HDLBP: variants seen among roughly 807,000 people sequenced by gnomAD.
HDLBP encodes high density lipoprotein binding protein.
A neutral mutation model predicts 137.3 loss-of-function variants in HDLBP; 30 were observed. That is an observed-to-expected ratio of 0.22 (90% CI 0.16 to 0.30). The LOEUF is 0.30. Among genes scored for constraint, HDLBP ranks in the 10% least tolerant of loss-of-function variants. The probability of loss-of-function intolerance (pLI) is 1.00; values close to 1 mark genes in which losing one functional copy is unlikely to be tolerated. For missense variants in HDLBP, 1,119 were observed against 1,667.3 expected, an observed-to-expected ratio of 0.67 and a Z score of 5.73; for synonymous variants, 606 against 596.0, an observed-to-expected ratio of 1.02 and a Z score of -0.24.
chr2:241,295,632 C>A (rs1456900121), intron 1 of HDLBP, among the ~76,000 whole-genome samples: 1 of 152,126 alleles, frequency 6.6e-6, no homozygotes, highest in Non-Finnish European at 1.5e-5. Context: ...AAATGGCCAC[C>A]CAAAGATAGG....
intron 16 of HDLBP, chr2:241,243,606 C>T (rs948039790): frequency 3.3e-5 from 5 of 152,576 alleles, no homozygotes; most frequent in African/African-American, 1.2e-4. Context: ...TGGTATAGTA[C>T]CTACAGCTCA....
chr2:241,315,528 C>G (rs2076043624), intron 1 of HDLBP, 42 bp downstream of exon 1: 1 of 152,832 alleles, frequency 6.5e-6, no homozygotes, highest in Non-Finnish European at 1.5e-5. Flanking sequence ...ACGGCCTTCC[C>G]CCCACTCCAG....
At chr2:241,246,555 T>C (rs983539037) in intron 16 of HDLBP, 197 bp downstream of exon 16, 2 of 568,430 alleles carry the variant, frequency 3.5e-6, no homozygotes, top group Non-Finnish European at 6.2e-6. Flanking sequence ...TGCTGCAGGG[T>C]CCAGGTAAGT....
Position 241,229,828 on chromosome 2 carries a change from C to A in HDLBP, c.3720+5G>T, listed in dbSNP as rs757487118. On this transcript the variant is annotated splice_donor_5th_base_variant and intron_variant, in intron 27 of 27. Coordinates refer to ENST00000310931, the MANE Select transcript of HDLBP (RefSeq NM_005336.6). ...GACCCAGGAGGGCAGAAGCCCGCAT[C>A]TGACCTTCTCACTGCTGCTGGCGGT... 20 of 1,540,218 alleles carry A rather than the reference C, an allele frequency of 1.3e-5. No homozygotes were observed. The Admixed American group carries it at 3.8e-4, about 29-fold the overall frequency.
At chr2:241,313,193 T>A (rs540278723) in intron 1 of HDLBP, among the ~76,000 whole-genome samples, 1 of 152,326 alleles carries the variant, frequency 6.6e-6, no homozygotes, top group African/African-American at 2.4e-5. Flanking sequence ...ATTGCACTTA[T>A]CACACCATAA....
Position 241,239,376 on chromosome 2 carries a change from CTTTTTT to C in HDLBP, c.2610+220_2610+225del, listed in dbSNP as rs928760320. On this transcript the variant is annotated intron_variant, in intron 19 of 27. Coordinates refer to ENST00000310931, the MANE Select transcript of HDLBP (RefSeq NM_005336.6). This position sits in a 1 kb window ranked among gnomAD's most constrained non-coding sequence, Gnocchi z 4.6. The stretch of plus-strand genomic sequence containing the variant: ...CCTCTCCTCTTCTCCTTCTCTCTCT[CTTTTTT>C]TTTTTAAGTGCTTCTCGCAGGCAGA... 6.8e-6 allele frequency among the ~76,000 whole-genome samples: 1 copy of C among 147,746 alleles called. No individual in the cohort carries two copies. The highest frequency in any genetic ancestry group is 1.5e-5 in the Non-Finnish European group (1 of 66,620).
Position 241,239,585 on chromosome 2 carries a change from A to G in HDLBP, c.2610+17T>C. ...ACTGGGGGGTGAGAACCCCTCCCCG[A>G]GCACCCAAGTGCCTACCAGGTCCTC... On this transcript the variant is annotated intron_variant, in intron 19 of 27. Transcript: ENST00000310931. This position sits in a 1 kb window ranked among gnomAD's most constrained non-coding sequence, Gnocchi z 4.6. 6.2e-7 allele frequency: 1 copy of G among 1,609,864 alleles called. No homozygotes were observed. Among genetic ancestry groups the G allele is most frequent in the Non-Finnish European group, 8.5e-7 (1 of 1,176,374 alleles).
intron 1 of HDLBP, among the ~76,000 whole-genome samples, chr2:241,297,380 C>T (rs1255432131): frequency 6.6e-6 from 1 of 152,118 alleles, no homozygotes; most frequent in African/African-American, 2.4e-5. Flanking sequence ...ACGGAGTTAT[C>T]CACTTGGAAA....
intron 1 of HDLBP, chr2:241,273,226 C>G (rs1334503022): frequency 1.0e-6 from 1 of 985,440 alleles, no homozygotes; most frequent in Non-Finnish European, 1.2e-6. Context: ...GCACGAGGTC[C>G]TACAGCGCAG....
Position 241,310,070 on chromosome 2 carries a change from C to T in HDLBP, c.-103+5500G>A, listed in dbSNP as rs1410388361. On this transcript the variant is annotated intron_variant, in intron 1 of 27. Coordinates refer to ENST00000310931, the MANE Select transcript of HDLBP (RefSeq NM_005336.6). ...ACAAAAGCCAAAAACCCACAACAAA[C>T]CAGAGCAGCCTCAATAGTGACTTAA... Among the ~76,000 whole-genome samples the T allele has an allele frequency of 3.3e-5, 5 of 152,110 alleles. No homozygotes were observed. The East Asian group carries it at 9.6e-4, about 29-fold the overall frequency.
chr2:241,243,084 G>A (rs1003496628), intron 16 of HDLBP, among the ~76,000 whole-genome samples: 1 of 152,164 alleles, frequency 6.6e-6, no homozygotes, highest in Non-Finnish European at 1.5e-5. Context: ...TAAAACCAAA[G>A]ATTCTGCTTT....
At chr2:241,298,101 C>T (rs1036844545) in intron 1 of HDLBP, among the ~76,000 whole-genome samples, 2 of 128,342 alleles carry the variant, frequency 1.6e-5, no homozygotes, top group Non-Finnish European at 3.2e-5. Context: ...CATGGTGGCT[C>T]ATGCCTGTAA....
At position 241,236,445 on chromosome 2, in the gene HDLBP, CTG is replaced by C. The variant is rs78846217; in HGVS notation, c.2904+168_2904+169del. 1.6e-3 allele frequency: 1,091 copies of C among 678,942 alleles called. 18 individuals carry two copies. In the East Asian group the frequency reaches 0.024, roughly 15 times the overall value. The allele number at this position is 678,942 out of a possible 1,614,324, so 42.1% of individuals were successfully genotyped here. A position where few individuals can be genotyped will look rare whatever the true frequency, so the allele number is the denominator to read the frequency against. On this transcript the variant is annotated intron_variant, in intron 21 of 27. Coordinates refer to ENST00000310931, the MANE Select transcript of HDLBP (RefSeq NM_005336.6). ...TGAAGGGAAGTGGCCTCCCCAAACTCTGTGTCCAGCCGAGAAGCACAGCCCGT... is the reference window on the plus strand; with the variant it reads ...TGAAGGGAAGTGGCCTCCCCAAACTCTGTCCAGCCGAGAAGCACAGCCCGT...
chr2:241,299,881 C>T (rs558366128), intron 1 of HDLBP, among the ~76,000 whole-genome samples: 4 of 151,668 alleles, frequency 2.6e-5, no homozygotes, highest in Non-Finnish European at 4.4e-5. Flanking sequence ...CACCACTGCA[C>T]TCCAGCCTGG....
chr2:241,257,540 G>C (rs2072752707), intron 5 of HDLBP, among the ~76,000 whole-genome samples: 1 of 151,974 alleles, frequency 6.6e-6, no homozygotes, highest in Non-Finnish European at 1.5e-5. Flanking sequence ...CAAAAGATGT[G>C]TTTCTAATAG....
At chr2:241,232,951 A>AAAGGGAACAG (rs2069952671) in intron 24 of HDLBP, among the ~76,000 whole-genome samples, 2 of 152,078 alleles carry the variant, frequency 1.3e-5, no homozygotes, top group South Asian at 4.2e-4. Flanking sequence ...GTGTGACTCA[A>AAAGGGAACAG]AGATCCAAAA....
intron 5 of HDLBP, among the ~76,000 whole-genome samples, chr2:241,261,386 A>C (rs917904230): frequency 6.6e-6 from 1 of 152,158 alleles, no homozygotes; most frequent in Admixed American, 6.5e-5. Context: ...AATATTAAGA[A>C]ACCACTATCA....
chr2:241,240,290 A>G lies in HDLBP; in HGVS notation c.2170-168T>C, dbSNP rs2071075246. On this transcript the variant is annotated intron_variant, in intron 17 of 27. Coordinates refer to ENST00000310931, the MANE Select transcript of HDLBP (RefSeq NM_005336.6). This position sits in a 1 kb window ranked among gnomAD's most constrained non-coding sequence, Gnocchi z 5.5. ...ATGGGGCTAGCACACCTCACTGAAT[A>G]AACAGATGAATACCCAGACTGCACA... The G allele has an allele frequency of 4.5e-6, 3 of 661,494 alleles. No homozygotes were observed. Among genetic ancestry groups the G allele is most frequent in the Middle Eastern group, 3.9e-4 (1 of 2,574 alleles). 41.0% of individuals were successfully genotyped at this position (661,494 alleles called of 1,614,324 possible). A position where few individuals can be genotyped will look rare whatever the true frequency, so the allele number is the denominator to read the frequency against.
At chr2:241,284,524 A>G (rs565991250) in intron 1 of HDLBP, among the ~76,000 whole-genome samples, 2 of 152,388 alleles carry the variant, frequency 1.3e-5, no homozygotes, top group African/African-American at 4.8e-5. Context: ...CTGAATGAAG[A>G]TGTTGTGAAC....
Sources: allele counts gnomAD v4.1 joint callset (sites outside exome capture counted in the v4.1 genomes callset), GRCh38; gene constraint gnomAD v4.1.1; non-coding constraint Gnocchi (gnomAD v3.1); transcripts MANE v1.5; gene names NCBI Gene and HGNC (gene_info 2026-07-23, HGNC 2026-07-21).